The following CSMD3 variants were observed in gnomAD, a reference collection of about 807,000 sequenced individuals.
The protein encoded by CSMD3 is CUB and Sushi multiple domains 3.
Under a neutral mutation model 435.2 loss-of-function variants are expected in CSMD3, and 177 were observed. The observed-to-expected ratio is 0.41, with a 90% CI of 0.36 to 0.46. The LOEUF (loss-of-function observed/expected upper bound fraction) is 0.46, where lower values mean the gene tolerates loss of function less well. CSMD3 is among the 20% of genes least tolerant of loss of function. CSMD3 has a pLI of 0.34. For synonymous variants in CSMD3, 1,656 were observed against 1,520.5 expected, an observed-to-expected ratio of 1.09 and a Z score of -2.07; for missense variants, 4,265 against 4,504.6, an observed-to-expected ratio of 0.95 and a Z score of 1.52.
intron 11 of CSMD3, among the ~76,000 whole-genome samples, chr8:112,834,264 T>C (rs1263518211): frequency 2.6e-5 from 4 of 151,928 alleles, no homozygotes; most frequent in Non-Finnish European, 5.9e-5. Context: ...TCTTGAACAG[T>C]TTCAGTGACA....
chr8:112,977,865 T>C (rs1206261717), intron 6 of CSMD3, among the ~76,000 whole-genome samples: 1 of 152,066 alleles, frequency 6.6e-6, no homozygotes, highest in African/African-American at 2.4e-5. Context: ...GGTTGCAATA[T>C]TTAGTCAGCT....
At chr8:112,310,705 C>G (rs1417269733) in intron 50 of CSMD3, 1 of 489,624 alleles carries the variant, frequency 2.0e-6, no homozygotes, top group Non-Finnish European at 3.7e-6. Context: ...AACAAAGTAA[C>G]TGGAATGGAG....
At chr8:113,173,309 T>A (rs2092297761) in intron 4 of CSMD3, among the ~76,000 whole-genome samples, 1 of 152,034 alleles carries the variant, frequency 6.6e-6, no homozygotes, top group Admixed American at 6.6e-5. Flanking sequence ...AGACTATTTA[T>A]CCTTTAGGTT....
At chr8:113,189,827 C>T (rs1178334653) in intron 3 of CSMD3, among the ~76,000 whole-genome samples, 1 of 151,710 alleles carries the variant, frequency 6.6e-6, no homozygotes. Flanking sequence ...AGGAGAACAT[C>T]AATAATTATA....
chr8:112,554,199 G>C (rs988862909), intron 25 of CSMD3, among the ~76,000 whole-genome samples: 4 of 151,854 alleles, frequency 2.6e-5, no homozygotes, highest in Admixed American at 2.6e-4. Context: ...CAGAGAGAGA[G>C]AGACAAAAGA....
At chr8:112,642,684 A>G (rs1221278065) in intron 20 of CSMD3, among the ~76,000 whole-genome samples, 1 of 152,064 alleles carries the variant, frequency 6.6e-6, no homozygotes, top group East Asian at 1.9e-4. Flanking sequence ...AATATGATAA[A>G]GCATAACAGG....
At chr8:112,379,816 T>C (rs971161128) in intron 38 of CSMD3, among the ~76,000 whole-genome samples, 4 of 152,128 alleles carry the variant, frequency 2.6e-5, no homozygotes, top group African/African-American at 7.2e-5. Flanking sequence ...TAAAAACAGA[T>C]ATACAGACCA....
chr8:112,720,196 A>C (rs1312119642), intron 13 of CSMD3, among the ~76,000 whole-genome samples: 2 of 152,174 alleles, frequency 1.3e-5, no homozygotes, highest in Non-Finnish European at 2.9e-5. Context: ...TGCTATTCTT[A>C]TAGTCTCTCC....
chr8:113,247,132 T>C (rs913797950), intron 3 of CSMD3, among the ~76,000 whole-genome samples: 1 of 152,224 alleles, frequency 6.6e-6, no homozygotes, highest in Non-Finnish European at 1.5e-5. Flanking sequence ...CCACAGGAGC[T>C]GTCTTTTGAC....
chr8:113,212,360 C>T (rs2132084415), intron 3 of CSMD3, among the ~76,000 whole-genome samples: 1 of 152,158 alleles, frequency 6.6e-6, no homozygotes, highest in South Asian at 2.1e-4. Context: ...GGAAAATATA[C>T]AATAAGTACA....
chr8:112,747,776 C>A (rs1206532604), intron 13 of CSMD3, among the ~76,000 whole-genome samples: 3 of 151,684 alleles, frequency 2.0e-5, no homozygotes, highest in African/African-American at 7.3e-5. Context: ...GAGATCGAGA[C>A]CACGGTGAAA....
intron 22 of CSMD3, among the ~76,000 whole-genome samples, chr8:112,598,001 T>G (rs1336529598): frequency 6.8e-6 from 1 of 146,138 alleles, no homozygotes; most frequent in East Asian, 2.0e-4. Context: ...CAACATAGTG[T>G]TGGAAGTTCT....
chr8:113,063,190 A>G (rs1317442565), intron 5 of CSMD3, among the ~76,000 whole-genome samples: 1 of 151,804 alleles, frequency 6.6e-6, no homozygotes. Context: ...AAAAAAGCAA[A>G]ACAAAACTTT....
chr8:113,063,401 A>T (rs553749361), intron 5 of CSMD3, among the ~76,000 whole-genome samples: 34 of 152,100 alleles, frequency 2.2e-4, no homozygotes, highest in African/African-American at 8.2e-4. Flanking sequence ...TTTAAAACAG[A>T]TACTACATTT....
At chr8:112,637,279 CTTA>C (rs1252075632) in intron 21 of CSMD3, among the ~76,000 whole-genome samples, 1 of 151,980 alleles carries the variant, frequency 6.6e-6, no homozygotes, top group Non-Finnish European at 1.5e-5. Flanking sequence ...AGCTATTTAT[CTTA>C]TTGTTTTTTC....
chr8:113,268,904 A>G (rs1831382337), intron 3 of CSMD3, among the ~76,000 whole-genome samples: 1 of 152,080 alleles, frequency 6.6e-6, no homozygotes, highest in South Asian at 2.1e-4. Flanking sequence ...TTTATACGTG[A>G]TATTATATAG....
At chr8:112,358,259 C>T (rs184906002) in intron 38 of CSMD3, among the ~76,000 whole-genome samples, 129 of 152,208 alleles carry the variant, frequency 8.5e-4, no homozygotes, top group Middle Eastern at 3.4e-3. Flanking sequence ...CACTGTATCT[C>T]GGAAGTAAAC....
At chr8:112,469,146 A>C (rs1818264799) in intron 32 of CSMD3, among the ~76,000 whole-genome samples, 1 of 140,740 alleles carries the variant, frequency 7.1e-6, no homozygotes, top group Admixed American at 7.4e-5. Flanking sequence ...ACAGGCATTT[A>C]ATTCTACACC....
chr8:112,629,173 G>A (rs2074440076), intron 22 of CSMD3, among the ~76,000 whole-genome samples: 1 of 152,038 alleles, frequency 6.6e-6, no homozygotes, highest in Admixed American at 6.6e-5. Context: ...ACTAAACAAT[G>A]ATTTCTGTGT....
Sources: allele counts gnomAD v4.1 joint callset (sites outside exome capture counted in the v4.1 genomes callset), GRCh38; gene constraint gnomAD v4.1.1; transcripts MANE v1.5; gene names NCBI Gene and HGNC (gene_info 2026-07-23, HGNC 2026-07-21).